Variants in CSGALNACT1 observed in about 807,000 individuals in gnomAD.
CSGALNACT1 encodes chondroitin sulfate N-acetylgalactosaminyltransferase 1.
A neutral mutation model predicts 51.0 loss-of-function variants in CSGALNACT1; 52 were observed. The ratio of observed to expected loss-of-function variants is 1.02; its 90% confidence interval spans 0.82 to 1.29. CSGALNACT1 has a LOEUF of 1.29. Ranked by LOEUF, CSGALNACT1 falls within the 50% of genes most tolerant of loss-of-function variation. The pLI is 0.00. For synonymous variants in CSGALNACT1, 341 were observed against 254.4 expected (o/e 1.34, Z -3.24); for missense variants, 935 against 679.2 (o/e 1.38, Z -4.19).
chr8:19,411,418 A>T (rs966864651), intron 8 of CSGALNACT1, among the ~76,000 whole-genome samples: 2 of 152,184 alleles, frequency 1.3e-5, no homozygotes, highest in Non-Finnish European at 1.5e-5. Flanking sequence ...TGTCCAGCAC[A>T]CAGCAGGTAC....
intron 5 of CSGALNACT1, among the ~76,000 whole-genome samples, chr8:19,444,888 T>C (rs897860252): frequency 1.3e-5 from 2 of 152,090 alleles, no homozygotes; most frequent in African/African-American, 2.4e-5. Flanking sequence ...GGATAAAGTT[T>C]AGAAAGGCAG....
intron 5 of CSGALNACT1, among the ~76,000 whole-genome samples, chr8:19,455,058 G>T (rs1225492826): frequency 6.6e-6 from 1 of 152,160 alleles, no homozygotes; most frequent in Non-Finnish European, 1.5e-5. Flanking sequence ...GATATGCAAA[G>T]AAAATTGCCC....
Position 19,436,237 on chromosome 8 carries a change from A to G in CSGALNACT1, c.953+3593T>C, listed in dbSNP as rs554318833. Reference sequence around the variant, plus strand: ...ATCACAATACTGATTTCCAAATAACATAAATTTCATTTAGTGTGACTATAA... The same window carrying G: ...ATCACAATACTGATTTCCAAATAACGTAAATTTCATTTAGTGTGACTATAA... On this transcript the variant is annotated intron_variant, in intron 6 of 9. Coordinates refer to ENST00000454498, the Ensembl canonical transcript of CSGALNACT1. Among the ~76,000 whole-genome samples, 34 of 152,382 alleles carry G rather than the reference A, an allele frequency of 2.2e-4. No individual in the cohort carries two copies. In the East Asian group the frequency reaches 6.4e-3, roughly 28 times the overall value.
At chr8:19,489,014 C>A (rs748868131) in intron 4 of CSGALNACT1, among the ~76,000 whole-genome samples, 1 of 151,978 alleles carries the variant, frequency 6.6e-6, no homozygotes, top group Non-Finnish European at 1.5e-5. Context: ...AACAACGGCC[C>A]CCATTTGAAG....
intron 9 of CSGALNACT1, among the ~76,000 whole-genome samples, chr8:19,407,367 G>C (rs909878411): frequency 6.6e-6 from 1 of 152,100 alleles, no homozygotes; most frequent in Non-Finnish European, 1.5e-5. Context: ...CCAGCAGCTC[G>C]TGGGGAGCCT....
chr8:19,636,555 A>G (rs952078839), intron 1 of CSGALNACT1, among the ~76,000 whole-genome samples: 2 of 152,202 alleles, frequency 1.3e-5, no homozygotes, highest in East Asian at 1.9e-4. Context: ...CTGTCTCTGA[A>G]AAGTGTTGAC....
At chr8:19,747,894 G>C (rs2064781096) in intron 1 of CSGALNACT1, among the ~76,000 whole-genome samples, 1 of 152,064 alleles carries the variant, frequency 6.6e-6, no homozygotes, top group African/African-American at 2.4e-5. Flanking sequence ...TTCAGGCCCA[G>C]AAATAAATGG....
chr8:19,651,745 G>C (rs2057821776), intron 1 of CSGALNACT1, among the ~76,000 whole-genome samples: 1 of 152,116 alleles, frequency 6.6e-6, no homozygotes, highest in Non-Finnish European at 1.5e-5. Context: ...GTGCATTTAT[G>C]GTAGAATGAT....
chr8:19,644,393 T>C (rs2975428), intron 1 of CSGALNACT1, among the ~76,000 whole-genome samples: 15,076 of 149,140 alleles, frequency 0.1, 815 homozygotes, highest in Middle Eastern at 0.14. Context: ...GAAAAACAGT[T>C]CTTAACCTCT....
chr8:19,666,257 TA>T (rs147177430), intron 1 of CSGALNACT1, among the ~76,000 whole-genome samples: 3,124 of 152,218 alleles, frequency 0.021, 49 homozygotes, highest in South Asian at 0.048. Flanking sequence ...GTAGGGAAAT[TA>T]AAACCATCTA....
exon 10 of CSGALNACT1, chr8:19,405,836 C>T (rs777236800): frequency 3.1e-6 from 5 of 1,614,018 alleles, no homozygotes; most frequent in African/African-American, 2.7e-5. Context: ...GCCTCTATCT[C>T]GTGCCTGAAC....
intron 3 of CSGALNACT1, among the ~76,000 whole-genome samples, chr8:19,524,495 C>T (rs151149934): frequency 6.6e-6 from 1 of 152,070 alleles, no homozygotes; most frequent in East Asian, 1.9e-4. Flanking sequence ...TTACATATTT[C>T]CCAGGGCAAG....
At chr8:19,570,274 G>C (rs146748140) in intron 3 of CSGALNACT1, among the ~76,000 whole-genome samples, 1 of 152,034 alleles carries the variant, frequency 6.6e-6, no homozygotes, top group Admixed American at 6.5e-5. Flanking sequence ...CTTAATATTC[G>C]TTTTAATCAT....
intron 4 of CSGALNACT1, among the ~76,000 whole-genome samples, 195 bp downstream of exon 3, chr8:19,505,006 C>T (rs1283242274): frequency 1.3e-5 from 2 of 152,100 alleles, no homozygotes; most frequent in African/African-American, 4.8e-5. Flanking sequence ...CCGTGGTTTC[C>T]ATGAGAAAGT....
At chr8:19,470,646 G>C (rs775886623) in intron 4 of CSGALNACT1, among the ~76,000 whole-genome samples, 20 of 152,122 alleles carry the variant, frequency 1.3e-4, no homozygotes, top group Admixed American at 3.3e-4. Flanking sequence ...AGAAATGTAA[G>C]GGGATGATTC....
chr8:19,479,727 A>C (rs2070807810), intron 4 of CSGALNACT1, among the ~76,000 whole-genome samples: 1 of 151,698 alleles, frequency 6.6e-6, no homozygotes, highest in Admixed American at 6.6e-5. Context: ...GTGATTTAAC[A>C]AGAGCCTGAA....
upstream of CSGALNACT1, among the ~76,000 whole-genome samples, chr8:19,606,830 T>C (rs1468264436): frequency 6.6e-6 from 1 of 152,160 alleles, no homozygotes; most frequent in Non-Finnish European, 1.5e-5. Flanking sequence ...CCTTAAAGGA[T>C]ACCCAATATT....
At chr8:19,660,454 T>C (rs544401074) in intron 1 of CSGALNACT1, among the ~76,000 whole-genome samples, 53 of 152,278 alleles carry the variant, frequency 3.5e-4, no homozygotes, top group African/African-American at 1.3e-3. Context: ...CTGTAACCTC[T>C]CTGTAACACT....
intron 3 of CSGALNACT1, among the ~76,000 whole-genome samples, chr8:19,538,636 T>C (rs1454726286): frequency 1.3e-5 from 2 of 152,076 alleles, no homozygotes; most frequent in African/African-American, 2.4e-5. Flanking sequence ...TTTAGTTTCT[T>C]GAACTGAGGG....
Sources: gnomAD v4.1 joint callset for allele counts (sites outside exome capture counted in the v4.1 genomes callset) on GRCh38, gnomAD v4.1.1 for gene constraint, MANE v1.5 for transcripts, NCBI Gene and HGNC (gene_info 2026-07-23, HGNC 2026-07-21) for gene names.